GBE1: variants seen among roughly 807,000 people sequenced by gnomAD.
GBE1 encodes the protein 1,4-alpha-glucan branching enzyme 1, also known as 1,4-alpha-glucan-branching enzyme.
In GBE1, 70 loss-of-function variants were observed where a neutral mutation model predicts 88.8. The ratio of observed to expected loss-of-function variants is 0.79; its 90% CI spans 0.65 to 0.96. The LOEUF (loss-of-function observed/expected upper bound fraction) is 0.96. Among genes scored for constraint, GBE1 ranks in the 40% least tolerant of loss-of-function variants. The probability of loss-of-function intolerance (pLI) is 0.00; values close to 1 mark genes in which losing one functional copy is unlikely to be tolerated. For synonymous variants in GBE1, 284 were observed against 300.1 expected (o/e 0.95, Z 0.56); for missense variants, 872 against 871.0 (o/e 1.00, Z -0.01).
chr3:81,525,333 T>A, intron 14 of GBE1, among the ~76,000 whole-genome samples: 1 of 152,050 alleles, frequency 6.6e-6, no homozygotes, highest in East Asian at 1.9e-4. Flanking sequence ...TGGATTACAT[T>A]TAGTGATTTG....
intron 1 of GBE1, among the ~76,000 whole-genome samples, chr3:81,710,616 T>C (rs1705851409): frequency 6.6e-6 from 1 of 151,998 alleles, no homozygotes; most frequent in South Asian, 2.1e-4. Flanking sequence ...AATTGGGGGC[T>C]CGGGGGAACC....
At chr3:81,632,507 A>G (rs923098727) in intron 7 of GBE1, among the ~76,000 whole-genome samples, 6 of 152,214 alleles carry the variant, frequency 3.9e-5, no homozygotes, top group Non-Finnish European at 8.8e-5. Flanking sequence ...CCACAATGAG[A>G]TACCATCTCA....
intron 12 of GBE1, among the ~76,000 whole-genome samples, chr3:81,538,330 C>T (rs1174534723): frequency 3.9e-5 from 6 of 151,944 alleles, no homozygotes; most frequent in Non-Finnish European, 7.4e-5. Context: ...AGAAATTCTG[C>T]AACTTACATT....
intron 1 of GBE1, among the ~76,000 whole-genome samples, chr3:81,723,630 TTTC>T (rs1706068395): frequency 6.6e-6 from 1 of 152,186 alleles, no homozygotes; most frequent in Non-Finnish European, 1.5e-5. Flanking sequence ...ATTTTCCTTC[TTTC>T]TTCTTACTTC....
chr3:81,527,048 C>T (rs1230320142), intron 14 of GBE1, among the ~76,000 whole-genome samples: 1 of 151,880 alleles, frequency 6.6e-6, no homozygotes, highest in Non-Finnish European at 1.5e-5. Context: ...CAGAACAGAG[C>T]CCTCAGAAAT....
At chr3:81,750,601 GTGTATATATATATATGTA>G (rs1559708625) in intron 1 of GBE1, among the ~76,000 whole-genome samples, 5 of 35,792 alleles carry the variant, frequency 1.4e-4, no homozygotes, top group South Asian at 7.0e-4. Context: ...ATATATATAT[GTGTATATATATATATGTA>G]TATATATATA....
Position 81,706,954 on chromosome 3 carries a change from A to AC in GBE1, c.144-1342_144-1341insG, listed in dbSNP as rs1276368129. On this transcript the variant is annotated intron_variant, in intron 1 of 15. Coordinates refer to ENST00000429644, the MANE Select transcript of GBE1 (RefSeq NM_000158.4). ...TTGAAATAATTAAAGAAAAACAATG[A>AC]ATTTGAATATATTAAAAAGAACCTA... 2.6e-5 allele frequency among the ~76,000 whole-genome samples: 4 copies of AC among 152,138 alleles called. No homozygotes were observed. The East Asian group carries it at 5.8e-4, about 22-fold the overall frequency.
intron 2 of GBE1, among the ~76,000 whole-genome samples, chr3:81,676,516 CT>C (rs1175634557): frequency 6.6e-6 from 1 of 151,764 alleles, no homozygotes; most frequent in Non-Finnish European, 1.5e-5. Flanking sequence ...TTAATATGTA[CT>C]AATTACTCTT....
chr3:81,515,753 T>A (rs1043866850), intron 14 of GBE1, among the ~76,000 whole-genome samples: 4 of 151,568 alleles, frequency 2.6e-5, no homozygotes, highest in Non-Finnish European at 5.9e-5. Context: ...GCTACTCTAG[T>A]GAACGCATGA....
At chr3:81,750,525 A>ATATATATATATGTATATATATATATG (rs1559708243) in intron 1 of GBE1, among the ~76,000 whole-genome samples, 2 of 80,740 alleles carry the variant, frequency 2.5e-5, no homozygotes, top group East Asian at 9.5e-4. Context: ...CAAAACATTC[A>ATATATATATATGTATATATATATATG]TATATATATA....
At chr3:81,558,491 A>C (rs1218511720) in intron 12 of GBE1, among the ~76,000 whole-genome samples, 3 of 152,056 alleles carry the variant, frequency 2.0e-5, no homozygotes, top group Non-Finnish European at 4.4e-5. Flanking sequence ...AAAATAGCAA[A>C]ATGTCTGCTA....
chr3:81,709,839 T>G (rs1705833218), intron 1 of GBE1, among the ~76,000 whole-genome samples: 1 of 152,150 alleles, frequency 6.6e-6, no homozygotes, highest in African/African-American at 2.4e-5. Flanking sequence ...TACAGCAAGC[T>G]CATCATGCCT....
In GBE1 at chr3:81,603,255, G is replaced by T. The variant is rs1281112907; in HGVS notation, c.993-9232C>A. ...TTATATACGATTTTGCAAAAATAAA[G>T]ATATCAGGTACTCTGACTTGATGAA... On this transcript the variant is annotated intron_variant, in intron 7 of 15. Coordinates refer to ENST00000429644, the MANE Select transcript of GBE1 (RefSeq NM_000158.4). Among the ~76,000 whole-genome samples, 3 of 151,996 alleles carry T rather than the reference G, an allele frequency of 2.0e-5. No individual in the cohort carries two copies. The East Asian group carries it at 5.8e-4, about 29-fold the overall frequency.
At chr3:81,559,878 T>C (rs954983338) in intron 12 of GBE1, among the ~76,000 whole-genome samples, 1 of 152,002 alleles carries the variant, frequency 6.6e-6, no homozygotes, top group African/African-American at 2.4e-5. Flanking sequence ...CTTTCCAATG[T>C]TGCAAGCAAA....
chr3:81,523,540 C>T (rs1201775862), intron 14 of GBE1, among the ~76,000 whole-genome samples: 4 of 151,520 alleles, frequency 2.6e-5, no homozygotes, highest in African/African-American at 4.8e-5. Context: ...GAATAAATTA[C>T]TGTTGACTGC....
At chr3:81,652,956 T>A (rs900194444) in intron 3 of GBE1, among the ~76,000 whole-genome samples, 2 of 152,188 alleles carry the variant, frequency 1.3e-5, no homozygotes, top group African/African-American at 4.8e-5. Flanking sequence ...CTTTATGTCA[T>A]TTAACTCACA....
intron 10 of GBE1, among the ~76,000 whole-genome samples, chr3:81,583,596 T>C (rs1035925234): frequency 6.6e-6 from 1 of 152,106 alleles, no homozygotes. Context: ...TTGGAGGTTT[T>C]CTTGGATAAA....
intron 7 of GBE1, among the ~76,000 whole-genome samples, chr3:81,609,743 A>C (rs1192010303): frequency 6.6e-6 from 1 of 152,158 alleles, no homozygotes; most frequent in Non-Finnish European, 1.5e-5. Flanking sequence ...ATACCTTTAC[A>C]AAGTGTTTCA....
intron 1 of GBE1, among the ~76,000 whole-genome samples, chr3:81,713,192 C>T (rs1300220846): frequency 6.6e-6 from 1 of 152,144 alleles, no homozygotes; most frequent in East Asian, 1.9e-4. Context: ...CAGGAAGGAA[C>T]TAGTGATTTT....
Sources: allele counts gnomAD v4.1 joint callset (sites outside exome capture counted in the v4.1 genomes callset), GRCh38; gene constraint gnomAD v4.1.1; transcripts MANE v1.5; gene names NCBI Gene and HGNC (gene_info 2026-07-23, HGNC 2026-07-21).